Variants in SPRR2G observed in about 807,000 individuals in gnomAD.
SPRR2G encodes the protein small proline-rich protein 2G.
A neutral mutation model predicts 0.7 loss-of-function variants in SPRR2G; 1 was observed. That is an observed-to-expected ratio of 1.49 (90% CI 0.53 to 7.06). SPRR2G has a LOEUF of 7.06. Among genes scored for constraint, SPRR2G ranks in the 30% most tolerant of loss-of-function variants. The pLI is 0.14. For synonymous variants in SPRR2G, 38 were observed against 33.9 expected, an observed-to-expected ratio of 1.12 and a Z score of -0.42; for missense variants, 96 against 88.5, an observed-to-expected ratio of 1.09 and a Z score of -0.34.
chr1:153,190,726 C>T, the SPRR2G span: 1 of 148,822 alleles, frequency 6.7e-6, no homozygotes, highest in Admixed American at 6.7e-5. Context: ...AAAAATTTGC[C>T]AGAATTCTTT....
At chr1:153,158,887 T>C in the SPRR2G span, among the ~76,000 whole-genome samples, 1,387 of 152,304 alleles carry the variant, frequency 9.1e-3, 54 homozygotes, top group East Asian at 0.1. Context: ...CAGGAAGCCA[T>C]GGCCAGGGCT....
chr1:153,181,073 C>A, the SPRR2G span, among the ~76,000 whole-genome samples: 3 of 151,706 alleles, frequency 2.0e-5, no homozygotes, highest in Admixed American at 1.3e-4. Context: ...ATCTCTGTGG[C>A]TTGGCATTTT....
At chr1:153,154,260 T>A (rs1051700146), upstream of SPRR2G, among the ~76,000 whole-genome samples, 4 of 152,056 alleles carry the variant, frequency 2.6e-5, no homozygotes, top group African/African-American at 9.7e-5. Context: ...CTAGGTATGC[T>A]AGTATTTTGT....
the SPRR2G span, among the ~76,000 whole-genome samples, chr1:153,163,918 T>A: frequency 2.0e-5 from 3 of 152,302 alleles, no homozygotes; most frequent in Middle Eastern, 6.8e-3. Context: ...CATCACCTAT[T>A]CTGTCTTCCA....
the SPRR2G span, among the ~76,000 whole-genome samples, chr1:153,179,352 C>T: frequency 6.6e-6 from 1 of 152,084 alleles, no homozygotes; most frequent in Non-Finnish European, 1.5e-5. Flanking sequence ...CGTCAAAAGA[C>T]CATCACAGGG....
At chr1:153,197,639 A>C in the SPRR2G span, among the ~76,000 whole-genome samples, 1 of 152,232 alleles carries the variant, frequency 6.6e-6, no homozygotes, top group Non-Finnish European at 1.5e-5. Flanking sequence ...GACAGAAGAC[A>C]GCATTGCCCC....
chr1:153,172,506 C>A, the SPRR2G span, among the ~76,000 whole-genome samples: 6,717 of 152,118 alleles, frequency 0.044, 413 homozygotes, highest in Admixed American at 0.15. Flanking sequence ...CCCACAGAGA[C>A]CCCAGAGATA....
the SPRR2G span, among the ~76,000 whole-genome samples, chr1:153,168,225 A>G: frequency 6.6e-6 from 1 of 152,226 alleles, no homozygotes; most frequent in African/African-American, 2.4e-5. Flanking sequence ...AGAACCTCCT[A>G]GACCAAAGGC....
chr1:153,156,079 G>A, the SPRR2G span, among the ~76,000 whole-genome samples: 4,697 of 152,272 alleles, frequency 0.031, 239 homozygotes, highest in African/African-American at 0.11. Flanking sequence ...GTACGTGCTA[G>A]ATAAATAGTT....
chr1:153,174,957 C>T, the SPRR2G span, among the ~76,000 whole-genome samples: 3 of 152,128 alleles, frequency 2.0e-5, no homozygotes, highest in African/African-American at 4.8e-5. Flanking sequence ...ATACCTCAGG[C>T]AGCAGGCTGT....
At chr1:153,183,636 T>C in the SPRR2G span, among the ~76,000 whole-genome samples, 1 of 152,196 alleles carries the variant, frequency 6.6e-6, no homozygotes, top group South Asian at 2.1e-4. Context: ...GTCAGATGGA[T>C]AGATTGCAAA....
the SPRR2G span, among the ~76,000 whole-genome samples, chr1:153,180,505 C>T: frequency 1.3e-5 from 2 of 152,068 alleles, no homozygotes; most frequent in South Asian, 2.1e-4. Flanking sequence ...ATTTATGCAT[C>T]CATTTTATTG....
chr1:153,194,409 G>A, the SPRR2G span, among the ~76,000 whole-genome samples: 2 of 152,170 alleles, frequency 1.3e-5, no homozygotes, highest in African/African-American at 2.4e-5. Context: ...TTAAACACTT[G>A]CTGGGCCAGA....
At chr1:153,180,366 T>C in the SPRR2G span, among the ~76,000 whole-genome samples, 2 of 152,176 alleles carry the variant, frequency 1.3e-5, no homozygotes, top group African/African-American at 4.8e-5. Flanking sequence ...TCATACAGTA[T>C]GAACTCTTTG....
At chr1:153,173,267 C>T in the SPRR2G span, among the ~76,000 whole-genome samples, 1 of 152,306 alleles carries the variant, frequency 6.6e-6, no homozygotes, top group East Asian at 1.9e-4. Flanking sequence ...CTAACACTTC[C>T]AGAACCCCCA....
At chr1:153,188,912 C>T in the SPRR2G span, among the ~76,000 whole-genome samples, 21 of 152,282 alleles carry the variant, frequency 1.4e-4, no homozygotes, top group Admixed American at 1.4e-3. Flanking sequence ...ACGGTAGTTC[C>T]CCACCCCTTT....
chr1:153,188,976 C>T, the SPRR2G span, among the ~76,000 whole-genome samples: 1 of 152,204 alleles, frequency 6.6e-6, no homozygotes. Flanking sequence ...CCTCCATGGG[C>T]TGCACCCAAT....
chr1:153,155,812 C>G (rs1333988193), upstream of SPRR2G, among the ~76,000 whole-genome samples: 1 of 152,090 alleles, frequency 6.6e-6, no homozygotes, highest in African/African-American at 2.4e-5. Context: ...TATTGTTTTA[C>G]CGGGTTAATG....
the SPRR2G span, among the ~76,000 whole-genome samples, chr1:153,163,339 A>G: frequency 6.6e-6 from 1 of 152,234 alleles, no homozygotes; most frequent in Non-Finnish European, 1.5e-5. Flanking sequence ...TACACATTCC[A>G]AAAAGAAGGC....
Sources: gnomAD v4.1 joint callset for allele counts (sites outside exome capture counted in the v4.1 genomes callset) on GRCh38, gnomAD v4.1.1 for gene constraint, MANE v1.5 for transcripts, NCBI Gene and HGNC (gene_info 2026-07-23, HGNC 2026-07-21) for gene names.